Variants in CDC123 observed in about 807,000 individuals in gnomAD.
The protein encoded by CDC123 is translation initiation factor eIF2 assembly protein.
A neutral mutation model predicts 54.4 loss-of-function variants in CDC123; 37 were observed. That is an observed-to-expected ratio of 0.68 (90% CI 0.52 to 0.89). The LOEUF (loss-of-function observed/expected upper bound fraction) is 0.89, where lower values mean the gene tolerates loss of function less well. Among genes scored for constraint, CDC123 ranks in the 40% least tolerant of loss-of-function variants. CDC123 has a pLI of 0.00. For synonymous variants in CDC123, 144 were observed against 136.8 expected, an observed-to-expected ratio of 1.05 and a Z score of -0.37; for missense variants, 361 against 412.1, an observed-to-expected ratio of 0.88 and a Z score of 1.07.
At chr10:12,206,955 T>A in intron 2 of CDC123, among the ~76,000 whole-genome samples, 1 of 98,100 alleles carries the variant, frequency 1.0e-5, no homozygotes, top group South Asian at 3.5e-4. Flanking sequence ...CGAGACTCCA[T>A]CTCAAAAAAA....
intron 6 of CDC123, among the ~76,000 whole-genome samples, chr10:12,224,263 G>T (rs1466431061): frequency 9.5e-5 from 14 of 147,336 alleles, no homozygotes; most frequent in African/African-American, 3.5e-4. Context: ...TCTTTAGTTT[G>T]GGGATAGAAT....
At chr10:12,248,391 C>G (rs1836188441) in intron 11 of CDC123, among the ~76,000 whole-genome samples, 1 of 151,684 alleles carries the variant, frequency 6.6e-6, no homozygotes, top group African/African-American at 2.4e-5. Context: ...TGCCTGTAAT[C>G]CCAGCTACTT....
At chr10:12,242,401 G>T (rs1193150110) in intron 10 of CDC123, among the ~76,000 whole-genome samples, 1 of 152,146 alleles carries the variant, frequency 6.6e-6, no homozygotes, top group Non-Finnish European at 1.5e-5. Flanking sequence ...TTGTTGGATG[G>T]CTTTTGGTTC....
chr10:12,249,082 T>C (rs1836199932), intron 11 of CDC123, among the ~76,000 whole-genome samples: 1 of 148,232 alleles, frequency 6.7e-6, no homozygotes, highest in Admixed American at 6.8e-5. Flanking sequence ...GCAACAGAGA[T>C]CGTGCCCCTG....
chr10:12,200,671 G>T (rs1296581405), intron 2 of CDC123, among the ~76,000 whole-genome samples: 1 of 152,044 alleles, frequency 6.6e-6, no homozygotes, highest in African/African-American at 2.4e-5. Context: ...GGTGGCTCAT[G>T]CCTGTAATCC....
At chr10:12,246,371 G>C in intron 11 of CDC123, 94 bp downstream of exon 11, 7 of 1,399,700 alleles carry the variant, frequency 5.0e-6, no homozygotes, top group Non-Finnish European at 6.9e-6. Context: ...GCAATGGCCA[G>C]GACCCTTGGG....
intron 10 of CDC123, chr10:12,244,631 T>G (rs1032509291): frequency 1.4e-5 from 2 of 144,740 alleles, no homozygotes; most frequent in East Asian, 4.1e-4. Context: ...TGGGGTGGTT[T>G]TTTTTTTTTC....
intron 4 of CDC123, among the ~76,000 whole-genome samples, chr10:12,210,898 A>G (rs1835589128): frequency 6.6e-6 from 1 of 152,030 alleles, no homozygotes; most frequent in Non-Finnish European, 1.5e-5. Context: ...ACAGGGTTTC[A>G]CCATGTTAGC....
intron 4 of CDC123, among the ~76,000 whole-genome samples, chr10:12,211,218 A>G (rs1009576433): frequency 1.4e-5 from 2 of 144,050 alleles, no homozygotes; most frequent in African/African-American, 5.2e-5. Flanking sequence ...TTCTAAAAAT[A>G]GGTGAATGAA....
At chr10:12,199,911 C>T (rs998226224) in intron 2 of CDC123, among the ~76,000 whole-genome samples, 18 of 151,904 alleles carry the variant, frequency 1.2e-4, no homozygotes, top group Non-Finnish European at 8.8e-5. Context: ...CAAGGTCTGC[C>T]TCCCGGGTTC....
chr10:12,196,513 G>A (rs1362318872), intron 1 of CDC123, among the ~76,000 whole-genome samples, 194 bp downstream of exon 1: 1 of 152,210 alleles, frequency 6.6e-6, no homozygotes, highest in Non-Finnish European at 1.5e-5. Flanking sequence ...AGGGTCAGTT[G>A]TGGTTTTCAG....
chr10:12,229,418 C>G (rs948290264), intron 6 of CDC123, among the ~76,000 whole-genome samples: 9 of 152,208 alleles, frequency 5.9e-5, no homozygotes, highest in Non-Finnish European at 1.2e-4. Flanking sequence ...CCATCTGTCG[C>G]AGTTCCCCCT....
chr10:12,220,066 C>T (rs1270316022), intron 6 of CDC123, among the ~76,000 whole-genome samples: 1 of 152,136 alleles, frequency 6.6e-6, no homozygotes, highest in African/African-American at 2.4e-5. Flanking sequence ...CTCCTGATCT[C>T]GTGATCCGCC....
At chr10:12,198,532 C>T (rs1835395280) in intron 1 of CDC123, among the ~76,000 whole-genome samples, 173 bp from the exon 2 acceptor site, 1 of 152,142 alleles carries the variant, frequency 6.6e-6, no homozygotes, top group Non-Finnish European at 1.5e-5. Flanking sequence ...AGATGAACCG[C>T]AGTAATCTTA....
chr10:12,208,586 T>C (rs369717571), intron 2 of CDC123, among the ~76,000 whole-genome samples: 6 of 152,316 alleles, frequency 3.9e-5, no homozygotes, highest in African/African-American at 9.6e-5. Context: ...GTACTTGTGC[T>C]GTGTCCTGAA....
chr10:12,227,738 C>T (rs975514184), intron 6 of CDC123, among the ~76,000 whole-genome samples: 3 of 152,016 alleles, frequency 2.0e-5, no homozygotes, highest in Non-Finnish European at 2.9e-5. Context: ...CCTCGTGATC[C>T]GCCCACCTCA....
chr10:12,233,130 C>T lies in CDC123; in HGVS notation c.490-1918C>T, dbSNP rs77321733. On this transcript the variant is annotated intron_variant, in intron 7 of 12. Coordinates refer to ENST00000281141, the MANE Select transcript of CDC123 (RefSeq NM_006023.3). ...TACCAGCAGTTTGCTCTCTTATTGCCGTTTTGAAAGACACCATTATCATGT... is the reference window on the plus strand; with the variant it reads ...TACCAGCAGTTTGCTCTCTTATTGCTGTTTTGAAAGACACCATTATCATGT... Among the ~76,000 whole-genome samples the T allele has an allele frequency of 8.8e-3, 1,339 of 152,056 alleles. 21 individuals are homozygous for T. Among genetic ancestry groups the T allele is most frequent in the African/African-American group, 0.029 (1,220 of 41,470 alleles).
At chr10:12,210,254 A>G in intron 3 of CDC123, 36 bp from the exon 4 acceptor site, 1 of 1,611,554 alleles carries the variant, frequency 6.2e-7, no homozygotes, top group Non-Finnish European at 8.5e-7. Flanking sequence ...CAGTATTTAA[A>G]TTTAATGTTT....
intron 7 of CDC123, among the ~76,000 whole-genome samples, chr10:12,231,322 ATAACT>A (rs1484229841): frequency 5.9e-5 from 9 of 152,154 alleles, no homozygotes; most frequent in East Asian, 1.9e-4. Context: ...CACCTTACAA[ATAACT>A]TAATAAGAGG....
Sources: gnomAD v4.1 joint callset for allele counts (sites outside exome capture counted in the v4.1 genomes callset) on GRCh38, gnomAD v4.1.1 for gene constraint, MANE v1.5 for transcripts, NCBI Gene and HGNC (gene_info 2026-07-23, HGNC 2026-07-21) for gene names.